The following METTL15 variants were observed in gnomAD, a reference collection of about 807,000 sequenced individuals.
The protein encoded by METTL15 is methyltransferase 15, mitochondrial 12S rRNA N4-cytidine.
A neutral mutation model predicts 38.3 loss-of-function variants in METTL15; 34 were observed. That is an observed-to-expected ratio of 0.89 (90% CI 0.68 to 1.18). The LOEUF (loss-of-function observed/expected upper bound fraction) is 1.18. Among genes scored for constraint, METTL15 ranks in the 50% most tolerant of loss-of-function variants. The probability of loss-of-function intolerance (pLI) is 0.00; values close to 1 mark genes in which losing one functional copy is unlikely to be tolerated. For synonymous variants in METTL15, 162 were observed against 170.9 expected (o/e 0.95, Z 0.41); for missense variants, 438 against 498.4 (o/e 0.88, Z 1.15).
chr11:28,225,352 AAG>A (rs1853432017), intron 4 of METTL15, among the ~76,000 whole-genome samples: 1 of 151,878 alleles, frequency 6.6e-6, no homozygotes. Context: ...TTACGTCTTT[AAG>A]TAGTTTATCT....
At chr11:28,347,313 A>G (rs972081977) in intron 3 of METTL15, among the ~76,000 whole-genome samples, 1 of 152,174 alleles carries the variant, frequency 6.6e-6, no homozygotes, top group African/African-American at 2.4e-5. Flanking sequence ...CTTGGGAGAG[A>G]AGGGGACTAC....
chr11:28,143,525 A>G (rs536182949), intron 3 of METTL15, among the ~76,000 whole-genome samples: 21 of 152,170 alleles, frequency 1.4e-4, no homozygotes, highest in Admixed American at 4.6e-4. Context: ...ATTCTAATTC[A>G]TCCTTCTTCT....
At chr11:28,455,021 T>C (rs1851155681) in intron 6 of METTL15, among the ~76,000 whole-genome samples, 1 of 152,092 alleles carries the variant, frequency 6.6e-6, no homozygotes. Context: ...AGGTGGTATT[T>C]GTTCAGGAAA....
chr11:28,373,072 A>C (rs1590349339), intron 5 of METTL15, among the ~76,000 whole-genome samples: 2 of 152,162 alleles, frequency 1.3e-5, no homozygotes, highest in East Asian at 3.9e-4. Context: ...AAAGTGCCAC[A>C]GTAAACATAC....
chr11:28,305,250 A>T (rs1451599974), intron 6 of METTL15, among the ~76,000 whole-genome samples: 1 of 152,194 alleles, frequency 6.6e-6, no homozygotes, highest in Admixed American at 6.6e-5. Flanking sequence ...TTCCTAAAAA[A>T]GTCTAGCTGT....
chr11:28,122,234 A>G (rs1260525281), intron 3 of METTL15: 3 of 1,172,344 alleles, frequency 2.6e-6, no homozygotes, highest in Non-Finnish European at 3.3e-6. Context: ...ATTTTTTATA[A>G]AATGCTTTGT....
chr11:28,146,160 CTG>C (rs368120163), intron 3 of METTL15, among the ~76,000 whole-genome samples: 109 of 152,152 alleles, frequency 7.2e-4, no homozygotes, highest in African/African-American at 2.4e-3. Context: ...CTATTTCTGA[CTG>C]TTAAAACTTT....
intron 6 of METTL15, among the ~76,000 whole-genome samples, chr11:28,313,020 G>T (rs1857361413): frequency 6.6e-6 from 1 of 151,028 alleles, no homozygotes; most frequent in East Asian, 1.9e-4. Context: ...TTATTAGTCA[G>T]AGTTCATGTC....
chr11:28,122,233 A>C, intron 3 of METTL15: 1 of 1,176,046 alleles, frequency 8.5e-7, no homozygotes, highest in Non-Finnish European at 1.1e-6. Flanking sequence ...TATTTTTTAT[A>C]AAATGCTTTG....
chr11:28,430,624 G>A (rs1191719861), intron 6 of METTL15, among the ~76,000 whole-genome samples: 91 of 50,386 alleles, frequency 1.8e-3, no homozygotes, highest in South Asian at 2.7e-3. Context: ...CGCCCGGCCA[G>A]CCACCCCGTC....
chr11:28,475,491 G>A (rs1275268205), intron 6 of METTL15, among the ~76,000 whole-genome samples: 1 of 152,158 alleles, frequency 6.6e-6, no homozygotes, highest in African/African-American at 2.4e-5. Flanking sequence ...TCTGGTCATG[G>A]TCTCGTGGTG....
At chr11:28,141,883 A>G (rs1257443267) in intron 3 of METTL15, among the ~76,000 whole-genome samples, 1 of 152,140 alleles carries the variant, frequency 6.6e-6, no homozygotes, top group East Asian at 1.9e-4. Flanking sequence ...TCCTGAACAA[A>G]GAGGAGGTTA....
intron 4 of METTL15, 39 bp from the exon 5 acceptor site, chr11:28,290,167 A>G (rs1352149532): frequency 6.5e-7 from 1 of 1,532,466 alleles, no homozygotes; most frequent in Admixed American, 2.0e-5. Flanking sequence ...ACTTCAATCT[A>G]ACAGAAGTGT....
At chr11:28,523,389 T>C (rs1851783747) in intron 6 of METTL15, among the ~76,000 whole-genome samples, 2 of 152,236 alleles carry the variant, frequency 1.3e-5, no homozygotes, top group Admixed American at 6.5e-5. Context: ...TGCTTTGACT[T>C]GAAACATATG....
intron 4 of METTL15, among the ~76,000 whole-genome samples, chr11:28,243,025 T>G (rs1050806394): frequency 6.6e-6 from 1 of 151,958 alleles, no homozygotes; most frequent in Non-Finnish European, 1.5e-5. Context: ...ATAATCTCCT[T>G]AATAATGAGA....
intron 4 of METTL15, among the ~76,000 whole-genome samples, chr11:28,257,822 A>T (rs1855035000): frequency 6.6e-6 from 1 of 152,198 alleles, no homozygotes; most frequent in Non-Finnish European, 1.5e-5. Flanking sequence ...AGTTTCCTCA[A>T]CATAGCTATT....
intron 6 of METTL15, among the ~76,000 whole-genome samples, chr11:28,448,522 A>C (rs1851093330): frequency 6.6e-6 from 1 of 152,198 alleles, no homozygotes; most frequent in African/African-American, 2.4e-5. Context: ...ATGCCCCATC[A>C]GACACCAAGC....
At chr11:28,498,766 A>G (rs1296667228) in intron 6 of METTL15, among the ~76,000 whole-genome samples, 6 of 152,204 alleles carry the variant, frequency 3.9e-5, no homozygotes, top group Non-Finnish European at 8.8e-5. Context: ...ATTCTTCATG[A>G]TACGGTAAGG....
intron 6 of METTL15, among the ~76,000 whole-genome samples, chr11:28,518,569 T>A (rs535006909): frequency 6.6e-6 from 1 of 152,264 alleles, no homozygotes; most frequent in African/African-American, 2.4e-5. Flanking sequence ...ACAGCAAGGG[T>A]CTTCAGAAAG....
Sources: allele counts gnomAD v4.1 joint callset (sites outside exome capture counted in the v4.1 genomes callset), GRCh38; gene constraint gnomAD v4.1.1; transcripts MANE v1.5; gene names NCBI Gene and HGNC (gene_info 2026-07-23, HGNC 2026-07-21).